The following PTPN3 variants were observed in gnomAD, a reference collection of about 807,000 sequenced individuals.
PTPN3 encodes tyrosine-protein phosphatase non-receptor type 3.
PTPN3 carries 96 observed loss-of-function variants against 132.7 expected under a neutral mutation model. The ratio of observed to expected loss-of-function variants is 0.72; its 90% CI spans 0.61 to 0.86. The LOEUF is 0.86. Among genes scored for constraint, PTPN3 ranks in the 40% least tolerant of loss-of-function variants. The pLI is 0.00. For missense variants in PTPN3, 1,125 were observed against 1,159.6 expected, an observed-to-expected ratio of 0.97 and a Z score of 0.43; for synonymous variants, 398 against 429.0, an observed-to-expected ratio of 0.93 and a Z score of 0.89.
intron 9 of PTPN3, among the ~76,000 whole-genome samples, chr9:109,435,872 T>C (rs777505032): frequency 3.3e-5 from 5 of 152,262 alleles, no homozygotes; most frequent in African/African-American, 4.8e-5. Flanking sequence ...TTTCCTTCCT[T>C]ATTTCCTATA....
At position 109,436,915 on chromosome 9, in the gene PTPN3, C is replaced by T. The variant is rs777977887; in HGVS notation, c.643G>A (p.Asp215Asn). Residue 215 changes from aspartate to asparagine, a missense_variant, in exon 9 of 26, where the codon GAC becomes AAC. Physicochemically the swap from Asp to Asn is conservative, Grantham distance 23 (BLOSUM62 1). Coordinates refer to ENST00000374541, the MANE Select transcript of PTPN3 (RefSeq NM_002829.4). ...CTGTGCAGTTCTACTCCATAGAAGT[C>T]GAGGGTCCGCGCTATGTTGATATAG... ...SCYINIARTLDFYGVELHSGR... is the reference protein window; with the variant it reads ...SCYINIARTLNFYGVELHSGR... 10 of 1,613,922 alleles carry T rather than the reference C, an allele frequency of 6.2e-6. No homozygotes were observed. The highest frequency in any genetic ancestry group is 5.0e-5 in the Admixed American group (3 of 59,992).
intron 1 of PTPN3, among the ~76,000 whole-genome samples, chr9:109,477,271 C>A (rs562266384): frequency 6.6e-6 from 1 of 152,176 alleles, no homozygotes; most frequent in Non-Finnish European, 1.5e-5. Flanking sequence ...TATAAACACT[C>A]CCCGAGGCTC....
chr9:109,510,594 TA>T, the PTPN3 span, among the ~76,000 whole-genome samples: 1 of 128,362 alleles, frequency 7.8e-6, no homozygotes, highest in African/African-American at 2.9e-5. Flanking sequence ...TATATATATA[TA>T]TATATATATA....
intron 19 of PTPN3, among the ~76,000 whole-genome samples, chr9:109,399,929 AAC>A (rs1240507908): frequency 6.6e-6 from 1 of 150,622 alleles, no homozygotes; most frequent in Non-Finnish European, 1.5e-5. Flanking sequence ...AACCCAGCAC[AAC>A]ACAGTTACCT....
Position 109,408,179 on chromosome 9 carries a change from A to G in PTPN3, c.1635+142T>C, listed in dbSNP as rs1003297605. 46 of 566,428 alleles carry G rather than the reference A, an allele frequency of 8.1e-5. 3 individuals are homozygous for G. The highest frequency in any genetic ancestry group is 9.0e-6 in the Non-Finnish European group (3 of 333,338). 35.1% of individuals were successfully genotyped at this position (566,428 alleles called of 1,614,324 possible). A position where few individuals can be genotyped will look rare whatever the true frequency, so the allele number is the denominator to read the frequency against. ...GCTTCAAAGACCACACTGAGCCGCA[A>G]GGTTATAGAAAACATGGTGATGTAT... is the stretch of plus-strand genomic sequence containing the variant. On this transcript the variant is annotated intron_variant, in intron 17 of 25. Transcript: ENST00000374541.
At chr9:109,395,048 G>A (rs1011361489) in intron 19 of PTPN3, among the ~76,000 whole-genome samples, 1 of 152,034 alleles carries the variant, frequency 6.6e-6, no homozygotes, top group East Asian at 1.9e-4. Flanking sequence ...GCTGAGGCAG[G>A]AGAATGGCGT....
intron 16 of PTPN3, among the ~76,000 whole-genome samples, chr9:109,409,724 T>A (rs1184072754): frequency 6.6e-6 from 1 of 151,986 alleles, no homozygotes; most frequent in Non-Finnish European, 1.5e-5. Context: ...GGTGGGAGGA[T>A]CACCTGAGCC....
In PTPN3 at chr9:109,446,091, G is replaced by A. The variant is rs115551001; in HGVS notation, c.414-799C>T. On this transcript the variant is annotated intron_variant, in intron 6 of 25. Coordinates refer to ENST00000374541, the MANE Select transcript of PTPN3 (RefSeq NM_002829.4). ...TGCAGACTCCACGGCCTGCCCAGGAGCTCACCAGCAGACCTGGAGCAGGGG... is the reference window on the plus strand; with the variant it reads ...TGCAGACTCCACGGCCTGCCCAGGAACTCACCAGCAGACCTGGAGCAGGGG... Among the ~76,000 whole-genome samples, 106 of 152,338 alleles carry A rather than the reference G, an allele frequency of 7.0e-4. 1 individual carries two copies. Among genetic ancestry groups the A allele is most frequent in the African/African-American group, 2.5e-3 (103 of 41,564 alleles).
chr9:109,504,686 T>C, the PTPN3 span, among the ~76,000 whole-genome samples: 4 of 152,304 alleles, frequency 2.6e-5, no homozygotes, highest in East Asian at 7.7e-4. Context: ...CAGAGGACCA[T>C]ACTGTAATGG....
chr9:109,390,740 T>C (rs1003714029), intron 21 of PTPN3, among the ~76,000 whole-genome samples: 1 of 152,150 alleles, frequency 6.6e-6, no homozygotes, highest in African/African-American at 2.4e-5. Context: ...GGCTTATATG[T>C]ACAGAGGAGG....
intron 1 of PTPN3, among the ~76,000 whole-genome samples, chr9:109,482,095 G>C (rs74928072): frequency 6.6e-6 from 1 of 152,178 alleles, no homozygotes; most frequent in African/African-American, 2.4e-5. Flanking sequence ...ACTAATGCGC[G>C]CAGGGATTAC....
chr9:109,509,509 G>T, the PTPN3 span, among the ~76,000 whole-genome samples: 1 of 152,146 alleles, frequency 6.6e-6, no homozygotes. Flanking sequence ...ACTGTTAACT[G>T]TCTAACATCT....
intron 14 of PTPN3, among the ~76,000 whole-genome samples, chr9:109,414,676 T>C (rs534068920): frequency 6.6e-6 from 1 of 152,266 alleles, no homozygotes; most frequent in East Asian, 1.9e-4. Flanking sequence ...TCTTTCCTGC[T>C]GGAACAACAG....
intron 18 of PTPN3, among the ~76,000 whole-genome samples, chr9:109,405,950 C>A (rs906320170): frequency 1.3e-5 from 2 of 152,178 alleles, no homozygotes; most frequent in African/African-American, 4.8e-5. Context: ...CTCCTCCACA[C>A]CTGAGCCAGC....
At position 109,450,938 on chromosome 9, in the gene PTPN3, T is replaced by C. The variant is rs529381900; in HGVS notation, c.369-2083A>G. ...TTGACTCTTGAGAGCTAAAATTTCC[T>C]TCAGAGGGAATTTCCTTAAACAGGA... On this transcript the variant is annotated intron_variant, in intron 5 of 25. Coordinates refer to ENST00000374541, the MANE Select transcript of PTPN3 (RefSeq NM_002829.4). The C allele has an allele frequency of 5.1e-6, 5 of 985,154 alleles. No individual in the cohort carries two copies. The East Asian group carries it at 5.7e-4, about 112-fold the overall frequency. 61.0% of individuals were successfully genotyped at this position (985,154 alleles called of 1,614,324 possible).
the PTPN3 span, among the ~76,000 whole-genome samples, chr9:109,532,407 A>C: frequency 6.6e-6 from 1 of 152,094 alleles, no homozygotes; most frequent in East Asian, 1.9e-4. Flanking sequence ...GGCTCTTTTT[A>C]TTACTATTAT....
At chr9:109,479,851 T>A (rs1846877034) in intron 1 of PTPN3, among the ~76,000 whole-genome samples, 1 of 152,200 alleles carries the variant, frequency 6.6e-6, no homozygotes, top group Non-Finnish European at 1.5e-5. Context: ...ATTACAGGCC[T>A]GAGCCTCTGT....
intron 19 of PTPN3, 53 bp downstream of exon 19, chr9:109,404,395 G>A: frequency 7.9e-7 from 1 of 1,264,526 alleles, no homozygotes. Context: ...TCAGAGGCAG[G>A]GGCAGCCCAA....
the PTPN3 span, among the ~76,000 whole-genome samples, chr9:109,534,638 A>AC: frequency 6.9e-6 from 1 of 145,852 alleles, no homozygotes; most frequent in Non-Finnish European, 1.5e-5. Context: ...AATACAAAAA[A>AC]AAAAAAAAAA....
Sources: gnomAD v4.1 joint callset for allele counts (sites outside exome capture counted in the v4.1 genomes callset) on GRCh38, gnomAD v4.1.1 for gene constraint, MANE v1.5 for transcripts, NCBI Gene and HGNC (gene_info 2026-07-23, HGNC 2026-07-21) for gene names.